PRIM2: variants seen among roughly 807,000 people sequenced by gnomAD.
The protein encoded by PRIM2 is DNA primase subunit 2, also known as DNA primase large subunit.
In PRIM2, 39 loss-of-function variants were observed where a neutral mutation model predicts 67.3. That is an observed-to-expected ratio of 0.58 (90% CI 0.45 to 0.76). PRIM2 has a LOEUF of 0.76. Among genes scored for constraint, PRIM2 ranks in the 30% least tolerant of loss-of-function variants. PRIM2 has a pLI of 0.00. For synonymous variants in PRIM2, 143 were observed against 198.7 expected (o/e 0.72, Z 2.36); for missense variants, 398 against 598.7 (o/e 0.66, Z 3.50).
chr6:57,424,854 C>T (rs1436609400), intron 7 of PRIM2, among the ~76,000 whole-genome samples: 1 of 152,110 alleles, frequency 6.6e-6, no homozygotes, highest in Non-Finnish European at 1.5e-5. Flanking sequence ...TTTGAGACAA[C>T]TAAAATATAT....
chr6:57,509,691 A>G (rs1774321087), intron 8 of PRIM2, among the ~76,000 whole-genome samples: 1 of 152,006 alleles, frequency 6.6e-6, no homozygotes, highest in African/African-American at 2.4e-5. Context: ...TCAACACAAC[A>G]TGCTTTTTGC....
chr6:57,446,576 G>T (rs1404706203), intron 7 of PRIM2, among the ~76,000 whole-genome samples: 2 of 151,758 alleles, frequency 1.3e-5, no homozygotes, highest in Non-Finnish European at 2.9e-5. Flanking sequence ...ACCATGCCTG[G>T]GGCTGCTTTC....
chr6:57,546,660 T>G (rs1775295566), intron 10 of PRIM2, among the ~76,000 whole-genome samples: 2 of 152,156 alleles, frequency 1.3e-5, no homozygotes, highest in Admixed American at 6.6e-5. Context: ...CTGTTGTGAT[T>G]TAAAATTCTC....
intron 12 of PRIM2, among the ~76,000 whole-genome samples, chr6:57,610,780 C>T (rs1776653365): frequency 6.6e-6 from 1 of 152,126 alleles, no homozygotes; most frequent in Non-Finnish European, 1.5e-5. Context: ...TTCAGCACTC[C>T]TCTTAATAAT....
intron 10 of PRIM2, among the ~76,000 whole-genome samples, chr6:57,584,087 A>G (rs1213002768): frequency 6.6e-6 from 1 of 152,186 alleles, no homozygotes; most frequent in Non-Finnish European, 1.5e-5. Flanking sequence ...TAATAACAGT[A>G]GTGCATTTGT....
At chr6:57,640,203 T>C (rs1331311226) in intron 13 of PRIM2, among the ~76,000 whole-genome samples, 1 of 152,140 alleles carries the variant, frequency 6.6e-6, no homozygotes, top group Non-Finnish European at 1.5e-5. Flanking sequence ...TGCTAAAAAC[T>C]CTCAATAAAC....
chr6:57,401,164 T>C (rs1274683167), intron 7 of PRIM2, among the ~76,000 whole-genome samples: 4 of 152,200 alleles, frequency 2.6e-5, no homozygotes, highest in Non-Finnish European at 5.9e-5. Flanking sequence ...TTGGAGAACA[T>C]GCGTCACTCT....
chr6:57,536,676 A>T (rs1288370536), intron 9 of PRIM2, among the ~76,000 whole-genome samples: 1 of 152,250 alleles, frequency 6.6e-6, no homozygotes, highest in Non-Finnish European at 1.5e-5. Context: ...GAGCTTATAT[A>T]CAACTTAGAT....
intron 5 of PRIM2, among the ~76,000 whole-genome samples, chr6:57,373,023 T>C (rs1339430394): frequency 6.6e-6 from 1 of 152,346 alleles, no homozygotes; most frequent in East Asian, 1.9e-4. Flanking sequence ...CTCTAGGTCT[T>C]TGAGGAATCC....
At chr6:57,269,812 A>G in the PRIM2 span, among the ~76,000 whole-genome samples, 32,166 of 151,424 alleles carry the variant, frequency 0.21, 4,640 homozygotes, top group African/African-American at 0.41. Context: ...TTTGTATAAG[A>G]TGTAAGGAAG....
upstream of PRIM2, among the ~76,000 whole-genome samples, chr6:57,314,549 AC>A (rs1273036117): frequency 4.9e-4 from 75 of 152,322 alleles, no homozygotes; most frequent in African/African-American, 1.8e-3. Context: ...AAAAACAAAA[AC>A]AATTCAGTTT....
At chr6:57,506,587 TG>T (rs1774255663) in intron 7 of PRIM2, among the ~76,000 whole-genome samples, 1 of 152,126 alleles carries the variant, frequency 6.6e-6, no homozygotes, top group African/African-American at 2.4e-5. Context: ...CTTTTATTTT[TG>T]TTTTGATGTT....
At chr6:57,416,953 T>C (rs1771282391) in intron 7 of PRIM2, among the ~76,000 whole-genome samples, 1 of 147,488 alleles carries the variant, frequency 6.8e-6, no homozygotes, top group Admixed American at 6.9e-5. Flanking sequence ...GCTGCTTCAC[T>C]TCACTTTCTT....
upstream of PRIM2, among the ~76,000 whole-genome samples, chr6:57,312,296 T>C (rs1391799750): frequency 6.6e-6 from 1 of 151,980 alleles, no homozygotes; most frequent in Non-Finnish European, 1.5e-5. Context: ...AGTCCAGAAG[T>C]TCAAGACCAG....
the PRIM2 span, among the ~76,000 whole-genome samples, chr6:57,254,297 A>C: frequency 6.6e-6 from 1 of 152,226 alleles, no homozygotes; most frequent in African/African-American, 2.4e-5. Context: ...CCCAGTCGCC[A>C]CATATATACA....
intron 5 of PRIM2, among the ~76,000 whole-genome samples, chr6:57,362,160 A>G (rs981297218): frequency 1.3e-5 from 2 of 152,176 alleles, no homozygotes; most frequent in African/African-American, 4.8e-5. Flanking sequence ...TTACAAATAT[A>G]TATATTTGAG....
intron 5 of PRIM2, among the ~76,000 whole-genome samples, chr6:57,332,042 A>G (rs867635729): frequency 6.6e-6 from 1 of 151,948 alleles, no homozygotes; most frequent in Non-Finnish European, 1.5e-5. Flanking sequence ...TTACAGCTAT[A>G]AATTTTCCTG....
chr6:57,544,420 G>C (rs1370093190), intron 10 of PRIM2, among the ~76,000 whole-genome samples: 320 of 152,250 alleles, frequency 2.1e-3, no homozygotes, highest in African/African-American at 7.4e-3. Flanking sequence ...TTTGGATTTA[G>C]GAAGTTTTTG....
chr6:57,638,530 G>A (rs1777163221), intron 13 of PRIM2, among the ~76,000 whole-genome samples: 1 of 132,500 alleles, frequency 7.5e-6, no homozygotes, highest in Admixed American at 8.8e-5. Context: ...ACACACATAG[G>A]CTCAAAATAA....
Sources: gnomAD v4.1 joint callset for allele counts (sites outside exome capture counted in the v4.1 genomes callset) on GRCh38, gnomAD v4.1.1 for gene constraint, MANE v1.5 for transcripts, NCBI Gene and HGNC (gene_info 2026-07-23, HGNC 2026-07-21) for gene names.